Variants in TBC1D22A observed in about 807,000 individuals in gnomAD.
TBC1D22A encodes the protein TBC1 domain family member 22A, also known as putative GTPase activator.
A neutral mutation model predicts 60.2 loss-of-function variants in TBC1D22A; 38 were observed. The observed-to-expected ratio is 0.63, with a 90% CI of 0.49 to 0.83. TBC1D22A has a LOEUF of 0.83. Ranked by LOEUF, TBC1D22A falls within the 40% of genes least tolerant of loss-of-function variation. The pLI is 0.00. For synonymous variants in TBC1D22A, 302 were observed against 281.7 expected (o/e 1.07, Z -0.72); for missense variants, 628 against 701.0 (o/e 0.90, Z 1.18).
At chr22:46,979,192 C>T (rs964680821) in intron 9 of TBC1D22A, among the ~76,000 whole-genome samples, 36 of 152,232 alleles carry the variant, frequency 2.4e-4, no homozygotes, top group Admixed American at 7.8e-4. Flanking sequence ...TAAGTTTCAT[C>T]GTATGATCAA....
rs1182617859 is a variant in TBC1D22A, at chr22:47,118,612, A to G, written c.1425+7009A>G. On this transcript the variant is annotated intron_variant, in intron 12 of 12. Transcript: ENST00000337137. ...AGACAACTTATGATAAAGACAATAA[A>G]AGAATGAATGAGTAAAAGCAAATGA... Among the ~76,000 whole-genome samples, 3 of 152,362 alleles carry G rather than the reference A, an allele frequency of 2.0e-5. No homozygotes were observed. The East Asian group carries it at 5.8e-4, about 29-fold the overall frequency.
chr22:46,875,518 C>T (rs2067515945), intron 4 of TBC1D22A, among the ~76,000 whole-genome samples: 1 of 151,802 alleles, frequency 6.6e-6, no homozygotes, highest in Non-Finnish European at 1.5e-5. Context: ...GTAGCGTGAT[C>T]TCGGCTCACT....
chr22:46,893,830 ATG>A (rs1280372717), intron 6 of TBC1D22A, among the ~76,000 whole-genome samples: 9 of 151,860 alleles, frequency 5.9e-5, no homozygotes, highest in African/African-American at 2.2e-4. Context: ...CGCATCACAG[ATG>A]TGTGTGTGTG....
intron 11 of TBC1D22A, among the ~76,000 whole-genome samples, chr22:47,099,833 G>T (rs1384772795): frequency 6.6e-6 from 1 of 152,174 alleles, no homozygotes; most frequent in Non-Finnish European, 1.5e-5. Flanking sequence ...ACCCTCCAGG[G>T]TGCCTCACAC....
intron 12 of TBC1D22A, among the ~76,000 whole-genome samples, chr22:47,144,530 CCT>C (rs1021189581): frequency 3.9e-5 from 6 of 152,238 alleles, no homozygotes; most frequent in East Asian, 1.9e-4. Context: ...TTACTGAGCC[CCT>C]GTCTGCCTGG....
In TBC1D22A at chr22:46,866,404, C is replaced by T. The variant is rs1360634149; in HGVS notation, c.638-12249C>T. On this transcript the variant is annotated intron_variant, in intron 4 of 12. Transcript: ENST00000337137. Reference sequence around the variant, plus strand: ...ACAGGTGTGAGCCACCACTCCCGACCCCAAAAATGAAGATCTTGATTGGGT... The same window carrying T: ...ACAGGTGTGAGCCACCACTCCCGACTCCAAAAATGAAGATCTTGATTGGGT... 3.3e-5 allele frequency among the ~76,000 whole-genome samples: 5 copies of T among 152,156 alleles called. No individual in the cohort carries two copies. In the East Asian group the frequency reaches 9.6e-4, roughly 29 times the overall value.
At chr22:47,063,320 A>G in intron 11 of TBC1D22A, among the ~76,000 whole-genome samples, 1 of 152,172 alleles carries the variant, frequency 6.6e-6, no homozygotes, top group Admixed American at 6.5e-5. Context: ...AGGGCCACCC[A>G]GCAGGAGCGG....
In TBC1D22A at chr22:47,017,889, C is replaced by T. The variant is rs144554868; in HGVS notation, c.1202-19182C>T. On this transcript the variant is annotated intron_variant, in intron 10 of 12. Transcript: ENST00000337137. ...TATTTAAAAGGTTTGGAGCTCAGTGCCCAAGTAACTTTGTCCTGCTCTCTT... is the reference window on the plus strand; with the variant it reads ...TATTTAAAAGGTTTGGAGCTCAGTGTCCAAGTAACTTTGTCCTGCTCTCTT... Among the ~76,000 whole-genome samples the T allele has an allele frequency of 3.9e-5, 6 of 152,344 alleles. No homozygotes were observed. In the East Asian group the frequency reaches 7.7e-4, roughly 20 times the overall value.
chr22:46,907,231 C>T (rs1247109192), intron 7 of TBC1D22A, among the ~76,000 whole-genome samples: 8 of 152,192 alleles, frequency 5.3e-5, no homozygotes, highest in Admixed American at 4.6e-4. Flanking sequence ...CTTTCACTAC[C>T]CTCTCTTCCC....
At chr22:46,843,129 TGTAATGTGGTG>T (rs2086843853) in intron 4 of TBC1D22A, among the ~76,000 whole-genome samples, 1 of 152,334 alleles carries the variant, frequency 6.6e-6, no homozygotes, top group African/African-American at 2.4e-5. Flanking sequence ...AATGACCCAC[TGTAATGTGGTG>T]GTTCAAGGGG....
chr22:47,031,149 C>T (rs992934409), intron 10 of TBC1D22A, among the ~76,000 whole-genome samples: 4 of 152,216 alleles, frequency 2.6e-5, no homozygotes, highest in Non-Finnish European at 4.4e-5. Context: ...GCTGTGCCTG[C>T]CATCACCTCT....
At chr22:46,779,414 A>T (rs1161461587) in intron 1 of TBC1D22A, among the ~76,000 whole-genome samples, 1 of 152,002 alleles carries the variant, frequency 6.6e-6, no homozygotes, top group African/African-American at 2.4e-5. Context: ...GCCCACCACC[A>T]CACCTGGCTA....
intron 12 of TBC1D22A, among the ~76,000 whole-genome samples, chr22:47,139,344 C>T (rs1034884380): frequency 2.0e-5 from 3 of 152,192 alleles, no homozygotes; most frequent in Admixed American, 6.5e-5. Flanking sequence ...CAGGTGCTGA[C>T]GTGGCCGCAC....
At chr22:47,004,360 A>G (rs2061510104) in intron 10 of TBC1D22A, among the ~76,000 whole-genome samples, 1 of 150,050 alleles carries the variant, frequency 6.7e-6, no homozygotes, top group African/African-American at 2.5e-5. Context: ...ACACATATAC[A>G]TACACTCCTA....
chr22:46,914,036 A>G (rs2070161582), intron 8 of TBC1D22A: 1 of 153,230 alleles, frequency 6.5e-6, no homozygotes, highest in Non-Finnish European at 1.5e-5. Flanking sequence ...GCACACACAC[A>G]TGCACACATC....
chr22:46,883,171 A>G (rs1007917303), intron 5 of TBC1D22A, among the ~76,000 whole-genome samples: 2 of 152,258 alleles, frequency 1.3e-5, no homozygotes, highest in African/African-American at 4.8e-5. Context: ...TCTAATGGTT[A>G]AAAATGATGA....
intron 10 of TBC1D22A, among the ~76,000 whole-genome samples, chr22:47,027,044 G>A (rs544991671): frequency 3.3e-5 from 5 of 152,338 alleles, no homozygotes; most frequent in Admixed American, 3.3e-4. Flanking sequence ...AAGACAGCAT[G>A]TTGTTGCCAT....
intron 1 of TBC1D22A, among the ~76,000 whole-genome samples, chr22:46,765,047 C>T (rs1395004323): frequency 6.6e-6 from 1 of 152,212 alleles, no homozygotes; most frequent in Non-Finnish European, 1.5e-5. Context: ...TTTCCTTTTC[C>T]TCTGACTTTG....
rs118006007 is a variant in TBC1D22A at position 47,017,250 on chromosome 22, A to G, written c.1201+19541A>G. ...TCTAGAGTGGAAAATTGCATTTTGT[A>G]TGAAAGTCACATGGGCGCATGGGAG... On this transcript the variant is annotated intron_variant, in intron 10 of 12. Transcript: ENST00000337137. Among the ~76,000 whole-genome samples, 684 of 152,284 alleles carry G rather than the reference A, an allele frequency of 4.5e-3. 21 individuals are homozygous for G. In the East Asian group the frequency reaches 0.093, roughly 21 times the overall value.
Sources: allele counts gnomAD v4.1 joint callset (sites outside exome capture counted in the v4.1 genomes callset), GRCh38; gene constraint gnomAD v4.1.1; transcripts MANE v1.5; gene names NCBI Gene and HGNC (gene_info 2026-07-23, HGNC 2026-07-21).